ABLIM1: variants seen among roughly 807,000 people sequenced by gnomAD.
ABLIM1 encodes the protein actin binding LIM protein 1, also known as actin-binding LIM protein 1.
In ABLIM1, 40 loss-of-function variants were observed where a neutral mutation model predicts 107.0. The ratio of observed to expected loss-of-function variants is 0.37; its 90% CI spans 0.29 to 0.49. The LOEUF (loss-of-function observed/expected upper bound fraction) is 0.49. Ranked by LOEUF, ABLIM1 falls within the 20% of genes least tolerant of loss-of-function variation. The probability of loss-of-function intolerance (pLI) is 0.97; values close to 1 mark genes in which losing one functional copy is unlikely to be tolerated. For synonymous variants in ABLIM1, 357 were observed against 357.3 expected (o/e 1.00, Z 0.01); for missense variants, 857 against 1,008.5 (o/e 0.85, Z 2.04).
chr10:114,633,138 C>T (rs2140782486), intron 1 of ABLIM1, among the ~76,000 whole-genome samples: 1 of 152,350 alleles, frequency 6.6e-6, no homozygotes, highest in South Asian at 2.1e-4. Context: ...ATGGCTAACA[C>T]ATCTTTCAGA....
intron 8 of ABLIM1, among the ~76,000 whole-genome samples, chr10:114,475,147 C>T (rs1176699057): frequency 6.6e-6 from 1 of 152,158 alleles, no homozygotes; most frequent in East Asian, 1.9e-4. Flanking sequence ...CTATCCCTGC[C>T]TTCCCCTCCT....
chr10:114,718,031 GAGA>G (rs2081727151), intron 1 of ABLIM1, among the ~76,000 whole-genome samples: 1 of 75,168 alleles, frequency 1.3e-5, no homozygotes, highest in Admixed American at 1.6e-4. Context: ...AGGAAGGAAG[GAGA>G]AAGAGAAAGA....
chr10:114,647,669 C>T (rs957956283), intron 1 of ABLIM1, among the ~76,000 whole-genome samples: 3 of 152,208 alleles, frequency 2.0e-5, no homozygotes, highest in Non-Finnish European at 4.4e-5. Context: ...CATGAGAATT[C>T]TCCCTCTCCA....
chr10:114,693,199 G>A (rs759207674), intron 1 of ABLIM1, among the ~76,000 whole-genome samples: 4 of 152,190 alleles, frequency 2.6e-5, no homozygotes, highest in Non-Finnish European at 5.9e-5. Context: ...GCAGAGAGTT[G>A]GTTCTGGGTC....
At chr10:114,777,130 A>AT in the ABLIM1 span, among the ~76,000 whole-genome samples, 1 of 151,190 alleles carries the variant, frequency 6.6e-6, no homozygotes, top group Admixed American at 6.6e-5. Flanking sequence ...TTCTTCCATG[A>AT]TTTTTTCTGT....
chr10:114,796,657 G>A, the ABLIM1 span, among the ~76,000 whole-genome samples: 1 of 152,282 alleles, frequency 6.6e-6, no homozygotes, highest in Non-Finnish European at 1.5e-5. Flanking sequence ...ACCACTCTCT[G>A]ACCCCAGTTT....
At chr10:114,461,534 G>A (rs893304860) in intron 12 of ABLIM1, among the ~76,000 whole-genome samples, 2 of 151,820 alleles carry the variant, frequency 1.3e-5, no homozygotes, top group African/African-American at 2.4e-5. Context: ...AAAATAATCT[G>A]TCGGCTGAGC....
intron 1 of ABLIM1, among the ~76,000 whole-genome samples, chr10:114,725,657 T>C (rs1295506091): frequency 6.6e-6 from 1 of 151,894 alleles, no homozygotes; most frequent in East Asian, 1.9e-4. Flanking sequence ...TATGTAGGTA[T>C]CAGGTTGGTG....
chr10:114,668,910 G>A (rs889747291), intron 1 of ABLIM1, among the ~76,000 whole-genome samples: 3 of 152,206 alleles, frequency 2.0e-5, no homozygotes, highest in Admixed American at 6.5e-5. Context: ...CCATCCACCC[G>A]GAGGTGAGAG....
At chr10:114,565,793 T>TTTTTTC (rs2070621063) in intron 4 of ABLIM1, among the ~76,000 whole-genome samples, 1 of 65,436 alleles carries the variant, frequency 1.5e-5, no homozygotes, top group Non-Finnish European at 2.6e-5. Context: ...GATTTCTTTT[T>TTTTTTC]TTTTTTTTTT....
At chr10:114,483,234 C>T (rs1430947563) in intron 8 of ABLIM1, among the ~76,000 whole-genome samples, 1 of 152,170 alleles carries the variant, frequency 6.6e-6, no homozygotes, top group African/African-American at 2.4e-5. Flanking sequence ...CTGTTTATGA[C>T]AGCCTGTGCA....
chr10:114,509,347 G>C (rs1301439161), intron 6 of ABLIM1, among the ~76,000 whole-genome samples: 1 of 152,140 alleles, frequency 6.6e-6, no homozygotes, highest in Non-Finnish European at 1.5e-5. Context: ...CAAGCAGTCA[G>C]GGCTCAGGCA....
chr10:114,614,206 C>G (rs1052730481), intron 1 of ABLIM1, among the ~76,000 whole-genome samples: 1 of 152,228 alleles, frequency 6.6e-6, no homozygotes, highest in East Asian at 1.9e-4. Context: ...ACTCCCAGCA[C>G]GTTGGGAGGC....
intron 1 of ABLIM1, among the ~76,000 whole-genome samples, chr10:114,627,027 T>G (rs1190009480): frequency 1.3e-5 from 2 of 152,184 alleles, no homozygotes; most frequent in Non-Finnish European, 2.9e-5. Context: ...ACCTCAGGCT[T>G]GTAGCTTCCA....
At position 114,761,918 on chromosome 10, in the gene ABLIM1, G is replaced by A. The variant is rs138116996; in HGVS notation, c.-213+6143C>T. ...TTAAGAAGCCTCACCTGATATGGTTGTCATGCCCACAGCTAACTCAATGCC... is the reference window on the plus strand; with the variant it reads ...TTAAGAAGCCTCACCTGATATGGTTATCATGCCCACAGCTAACTCAATGCC... On this transcript the variant is annotated intron_variant, in intron 1 of 15. Coordinates refer to the ABLIM1 transcript ENST00000651092. Among the ~76,000 whole-genome samples the A allele has an allele frequency of 2.4e-3, 370 of 151,990 alleles. 2 individuals carry two copies. Among genetic ancestry groups the A allele is most frequent in the African/African-American group, 8.5e-3 (353 of 41,436 alleles).
At chr10:114,468,879 G>A (rs1168742217) in intron 10 of ABLIM1, among the ~76,000 whole-genome samples, 4 of 151,606 alleles carry the variant, frequency 2.6e-5, no homozygotes, top group Non-Finnish European at 4.4e-5. Flanking sequence ...GTGAAACCCC[G>A]TCTCTACTAA....
In ABLIM1 at chr10:114,546,985, T is replaced by G. The variant is rs2067430473; in HGVS notation, c.800+665A>C. 2.0e-5 allele frequency among the ~76,000 whole-genome samples: 3 copies of G among 151,868 alleles called. No homozygotes were observed. The South Asian group carries it at 6.2e-4, about 32-fold the overall frequency. On this transcript the variant is annotated intron_variant, in intron 5 of 22. Transcript: ENST00000533213. The stretch of plus-strand genomic sequence containing the variant: ...TTTATTTATATTAGTAGAGATGAGG[T>G]CTTGCTATGTTGCTCAGGCTGGTCT...
rs10583793 is a variant in ABLIM1, at chr10:114,712,353, GAAAAAAAA to G, written c.-213+55700_-213+55707del. Among the ~76,000 whole-genome samples the G allele has an allele frequency of 1.1e-4, 5 of 44,096 alleles. No individual in the cohort carries two copies. In the South Asian group the frequency reaches 3.2e-3, roughly 28 times the overall value. The allele number at this position is 44,096 out of a possible 152,430, so 28.9% of individuals were successfully genotyped here. On this transcript the variant is annotated intron_variant, in intron 1 of 15. Transcript: ENST00000651092. ...GGGTGACAGAGCGAGACTCCGTCTC[GAAAAAAAA>G]AAAAAAAAAAAAAAAAGTACATGAA...
chr10:114,447,108 A>C (rs2061126873), intron 15 of ABLIM1, among the ~76,000 whole-genome samples: 1 of 152,234 alleles, frequency 6.6e-6, no homozygotes, highest in South Asian at 2.1e-4. Flanking sequence ...GAAATGTGAT[A>C]AGATCGTGTC....
Sources: gnomAD v4.1 joint callset for allele counts (sites outside exome capture counted in the v4.1 genomes callset) on GRCh38, gnomAD v4.1.1 for gene constraint, MANE v1.5 for transcripts, NCBI Gene and HGNC (gene_info 2026-07-23, HGNC 2026-07-21) for gene names.